CASP2: variants seen among roughly 807,000 people sequenced by gnomAD.
The protein encoded by CASP2 is caspase-2.
CASP2 carries 38 observed loss-of-function variants against 54.4 expected under a neutral mutation model. The ratio of observed to expected loss-of-function variants is 0.70; its 90% CI spans 0.54 to 0.92. The LOEUF (loss-of-function observed/expected upper bound fraction) is 0.92. Ranked by LOEUF, CASP2 falls within the 40% of genes least tolerant of loss-of-function variation. The pLI is 0.00. For synonymous variants in CASP2, 215 were observed against 216.3 expected (o/e 0.99, Z 0.05); for missense variants, 512 against 579.6 (o/e 0.88, Z 1.20).
intron 4 of CASP2, chr7:143,293,318 G>A: frequency 2.3e-6 from 1 of 435,270 alleles, no homozygotes; most frequent in African/African-American, 2.0e-5. Flanking sequence ...TGTAGAGAAG[G>A]AGTCTCACTT....
In CASP2 at chr7:143,291,183, G is replaced by A. The variant is rs182967082; in HGVS notation, c.75-357G>A. Among the ~76,000 whole-genome samples, 201 of 152,250 alleles carry A rather than the reference G, an allele frequency of 1.3e-3. 1 individual carries two copies. Among genetic ancestry groups the A allele is most frequent in the African/African-American group, 4.6e-3 (193 of 41,538 alleles). On this transcript the variant is annotated intron_variant, in intron 1 of 10. Coordinates refer to ENST00000310447, the MANE Select transcript of CASP2 (RefSeq NM_032982.4). ...TTCACCAGCTTAGATAATGTGAGAT[G>A]TTTTCTGAAATAATTCTCTTTATTA...
At chr7:143,302,664 C>T (rs1372274090) in intron 8 of CASP2, 1 of 152,204 alleles carries the variant, frequency 6.6e-6, no homozygotes, top group African/African-American at 2.4e-5. Flanking sequence ...TCCCTTCTTT[C>T]CTAGGCTCCC....
intron 1 of CASP2, chr7:143,289,723 C>A: frequency 2.0e-6 from 1 of 492,108 alleles, no homozygotes; most frequent in Non-Finnish European, 2.6e-6. Flanking sequence ...GAAAGTGATT[C>A]ATTCTTAAAT....
At chr7:143,288,551 G>A in intron 1 of CASP2, 22 bp downstream of exon 1, 1 of 1,603,218 alleles carries the variant, frequency 6.2e-7, no homozygotes. Context: ...ACGGTCTTAG[G>A]GCTCCTTAGG....
intron 7 of CASP2, 61 bp downstream of exon 7, chr7:143,300,112 G>C (rs752465451): frequency 1.5e-4 from 241 of 1,613,220 alleles, no homozygotes; most frequent in Non-Finnish European, 1.6e-4. Context: ...CCTGCCTGCT[G>C]TCTGTCAAGT....
chr7:143,294,100 A>G (rs1332570524), intron 4 of CASP2, 130 bp from the exon 5 acceptor site: 3 of 700,416 alleles, frequency 4.3e-6, no homozygotes, highest in Non-Finnish European at 7.8e-6. Context: ...TGAAGCTTAC[A>G]GGTTTGGGTA....
At chr7:143,300,109 G>A (rs1801870056) in intron 7 of CASP2, 58 bp downstream of exon 7, 1 of 1,613,536 alleles carries the variant, frequency 6.2e-7, no homozygotes, top group African/African-American at 1.3e-5. Context: ...CCTCCTGCCT[G>A]CTGTCTGTCA....
intron 8 of CASP2, chr7:143,300,813 T>C: frequency 1.7e-6 from 2 of 1,160,758 alleles, no homozygotes; most frequent in Non-Finnish European, 1.1e-6. Flanking sequence ...AGAATCCGTG[T>C]TGGCCTTTGA....
At position 143,288,461 on chromosome 7, in the gene CASP2, G is replaced by A; in HGVS notation, c.6G>A (p.Ala2=). Residue 2 remains alanine, a synonymous_variant, in exon 1 of 11, where the codon GCG becomes GCA. Transcript: ENST00000310447. ...GAGCCCGGGAAAAGCGGGAAATGGC[G>A]GCGCCGAGCGCGGGGTCTTGGTCCA... M[A]APSAGSWSTF... 6.2e-7 allele frequency: 1 copy of A among 1,612,996 alleles called. No individual in the cohort carries two copies. Among genetic ancestry groups the A allele is most frequent in the Admixed American group, 1.7e-5 (1 of 60,014 alleles).
At chr7:143,294,051 A>T (rs1335733979) in intron 4 of CASP2, among the ~76,000 whole-genome samples, 179 bp from the exon 5 acceptor site, 1 of 152,208 alleles carries the variant, frequency 6.6e-6, no homozygotes, top group South Asian at 2.1e-4. Context: ...ATGTGCAGAG[A>T]ATCCTTTAGT....
At chr7:143,301,019 T>TTA in intron 8 of CASP2, 1 of 666,868 alleles carries the variant, frequency 1.5e-6, no homozygotes, top group Non-Finnish European at 1.9e-6. Flanking sequence ...TAACGTGAAG[T>TTA]TAAAGAAGTT....
chr7:143,295,506 A>G (rs886463484), intron 6 of CASP2, among the ~76,000 whole-genome samples: 1 of 152,200 alleles, frequency 6.6e-6, no homozygotes, highest in Non-Finnish European at 1.5e-5. Context: ...ATAATGGCCT[A>G]TTTGTAGATT....
At position 143,305,141 on chromosome 7, in the gene CASP2, C is replaced by T. The variant is rs1802031474; in HGVS notation, c.*70C>T. ...CAGGAGGTGTGATAGAGCCTTTGAT[C>T]TTCAGGATGCACGGTTTCTGTTCTG... On this transcript the variant is annotated 3_prime_UTR_variant, in exon 11 of 11. Coordinates refer to ENST00000310447, the MANE Select transcript of CASP2 (RefSeq NM_032982.4). 2.5e-6 allele frequency: 4 copies of T among 1,582,652 alleles called. No homozygotes were observed. In the South Asian group the frequency reaches 4.4e-5, roughly 18 times the overall value.
chr7:143,300,658 T>C (rs1801889713), intron 8 of CASP2: 1 of 1,250,048 alleles, frequency 8.0e-7, no homozygotes, highest in African/African-American at 1.5e-5. Context: ...ATCTGTCTTT[T>C]TCCTGTCCTT....
intron 1 of CASP2, among the ~76,000 whole-genome samples, chr7:143,288,860 C>G (rs1801468438): frequency 6.6e-6 from 1 of 152,242 alleles, no homozygotes; most frequent in Admixed American, 6.5e-5. Context: ...CTCTGGCTCC[C>G]TTATGAGGGA....
rs1284396100 is a variant in CASP2, at chr7:143,305,043, A to G, written c.1331A>G (p.Tyr444Cys). The G allele has an allele frequency of 6.8e-6, 11 of 1,613,902 alleles. No homozygotes were observed. Among genetic ancestry groups the G allele is most frequent in the Non-Finnish European group, 9.3e-6 (11 of 1,179,988 alleles). Residue 444 changes from tyrosine to cysteine, a missense_variant, in exon 11 of 11, where the codon TAC becomes TGC. Tyr to Cys is a radical substitution (Grantham distance 194). Coordinates refer to ENST00000310447, the MANE Select transcript of CASP2 (RefSeq NM_032982.4). Reference protein sequence around the residue: ...EYCSTLCRHLYLFPGHPPT With the variant: ...EYCSTLCRHLCLFPGHPPT The stretch of plus-strand genomic sequence containing the variant: ...TGCAGCACTCTGTGCCGCCACCTCT[A>G]CCTGTTCCCAGGACACCCTCCCACA...
intron 7 of CASP2, 58 bp downstream of exon 7, chr7:143,300,109 GCTGT>G: frequency 6.2e-7 from 1 of 1,613,536 alleles, no homozygotes; most frequent in Non-Finnish European, 8.5e-7. Flanking sequence ...CCTCCTGCCT[GCTGT>G]CTGTCAAGTG....
intron 1 of CASP2, chr7:143,289,632 A>G: frequency 1.0e-6 from 1 of 983,346 alleles, no homozygotes; most frequent in African/African-American, 1.7e-5. Context: ...TGGTAAACTA[A>G]TGGAAGAAAT....
chr7:143,290,234 G>C (rs1179989008), intron 1 of CASP2, among the ~76,000 whole-genome samples: 1 of 151,722 alleles, frequency 6.6e-6, no homozygotes, highest in Non-Finnish European at 1.5e-5. Context: ...CTAATTTTTT[G>C]TATTTTTAGT....
Sources: allele counts gnomAD v4.1 joint callset (sites outside exome capture counted in the v4.1 genomes callset), GRCh38; gene constraint gnomAD v4.1.1; transcripts MANE v1.5; gene names NCBI Gene and HGNC (gene_info 2026-07-23, HGNC 2026-07-21).